OTUD7A: variants seen among roughly 807,000 people sequenced by gnomAD.
The protein encoded by OTUD7A is OTU domain-containing protein 7A.
Under a neutral mutation model 65.7 loss-of-function variants are expected in OTUD7A, and 12 were observed. That is an observed-to-expected ratio of 0.18 (90% confidence interval 0.12 to 0.30). OTUD7A has a LOEUF of 0.30. Ranked by LOEUF, OTUD7A falls within the 10% of genes least tolerant of loss-of-function variation. OTUD7A has a pLI of 1.00. For missense variants in OTUD7A, 1,148 were observed against 1,304.8 expected (o/e 0.88, Z 1.85); for synonymous variants, 641 against 586.3 (o/e 1.09, Z -1.35).
At chr15:31,831,970 C>T (rs1896944351) in intron 1 of OTUD7A, among the ~76,000 whole-genome samples, 1 of 152,038 alleles carries the variant, frequency 6.6e-6, no homozygotes, top group South Asian at 2.1e-4. Context: ...AGGGCTGGGG[C>T]AGGGCATGAG....
intron 1 of OTUD7A, among the ~76,000 whole-genome samples, chr15:31,811,455 G>A (rs1193209577): frequency 3.3e-5 from 5 of 151,950 alleles, no homozygotes; most frequent in Admixed American, 2.0e-4. Flanking sequence ...TTGTATGTAT[G>A]TATGGTGTAG....
intron 1 of OTUD7A, among the ~76,000 whole-genome samples, chr15:31,798,143 T>A (rs1038802407): frequency 5.3e-5 from 8 of 151,958 alleles, no homozygotes; most frequent in African/African-American, 1.7e-4. Context: ...AAAGACCATA[T>A]CTCCAAATAA....
chr15:31,594,023 CA>C (rs2141202536), intron 3 of OTUD7A, among the ~76,000 whole-genome samples: 1 of 152,318 alleles, frequency 6.6e-6, no homozygotes, highest in Non-Finnish European at 1.5e-5. Flanking sequence ...CCGTTAACTT[CA>C]TTCACCAAAG....
intron 3 of OTUD7A, among the ~76,000 whole-genome samples, chr15:31,600,997 A>G (rs1890056847): frequency 6.6e-6 from 1 of 152,168 alleles, no homozygotes; most frequent in African/African-American, 2.4e-5. Flanking sequence ...TCAGACTCCC[A>G]CACAATAACA....
rs544950521 is a variant in OTUD7A at position 31,704,665 on chromosome 15, C to T, written c.-99-47588G>A. 4.6e-5 allele frequency among the ~76,000 whole-genome samples: 7 copies of T among 151,544 alleles called. No homozygotes were observed. The South Asian group carries it at 1.5e-3, about 32-fold the overall frequency. On this transcript the variant is annotated intron_variant, in intron 1 of 12. Coordinates refer to ENST00000307050, the MANE Select transcript of OTUD7A (RefSeq NM_001382637.1). ...GGTGAAAATTCAGACATATAATGTC[C>T]CCAGTGTTCCCCCTCAAAAACATTA...
intron 1 of OTUD7A, among the ~76,000 whole-genome samples, chr15:31,818,499 C>A (rs566977402): frequency 9.2e-5 from 14 of 152,162 alleles, no homozygotes; most frequent in Non-Finnish European, 1.3e-4. Flanking sequence ...AGGGAGACAG[C>A]GGCCTCCCTG....
chr15:31,484,265 C>A lies in OTUD7A; in HGVS notation c.1831G>T (p.Gly611Cys). 1 of 1,594,832 alleles carries A rather than the reference C, an allele frequency of 6.3e-7. No individual in the cohort carries two copies. The highest frequency in any genetic ancestry group is 1.1e-5 in the South Asian group (1 of 89,796). ...CAGGCGTCGCCCCGCGGCCCACCGC[C>A]CTTCTCCGCCGGCGACGCGCCCGCT... ...KAAGASPAEK[G>C]GGPRGDAWKY... Residue 611 changes from glycine (G) to cysteine (C), a missense_variant, in exon 13 of 13, where the codon GGC becomes TGC. Around this residue, in one of 6 missense-constraint regions of OTUD7A, gnomAD observed 842 missense variants for 769.5 expected, o/e 1.09. Transcript: ENST00000307050. This position sits in a 1 kb window ranked among gnomAD's most constrained non-coding sequence, Gnocchi z 4.5.
intron 9 of OTUD7A, among the ~76,000 whole-genome samples, chr15:31,502,141 ACT>A (rs1473743487): frequency 1.3e-5 from 2 of 152,190 alleles, no homozygotes; most frequent in Admixed American, 1.3e-4. Context: ...TTCTGGATGT[ACT>A]TCTTCCTTTC....
intron 8 of OTUD7A, among the ~76,000 whole-genome samples, chr15:31,508,402 G>C (rs565861448): frequency 6.1e-5 from 4 of 65,426 alleles, no homozygotes; most frequent in Non-Finnish European, 1.2e-4. Context: ...AGGCTGGAGT[G>C]CAGTGGCGCC....
chr15:31,544,284 AG>A (rs1888067935), intron 5 of OTUD7A, among the ~76,000 whole-genome samples: 1 of 151,898 alleles, frequency 6.6e-6, no homozygotes. Flanking sequence ...AGAGTTAAAA[AG>A]AAAGGCTAGG....
At chr15:31,866,945 G>C (rs1208862401) in intron 1 of OTUD7A, among the ~76,000 whole-genome samples, 1 of 152,156 alleles carries the variant, frequency 6.6e-6, no homozygotes, top group Non-Finnish European at 1.5e-5. Flanking sequence ...TCTCTAGTAG[G>C]GCATCTGTGA....
intron 1 of OTUD7A, among the ~76,000 whole-genome samples, chr15:31,837,456 G>A (rs988815900): frequency 6.6e-6 from 1 of 151,848 alleles, no homozygotes; most frequent in African/African-American, 2.4e-5. Flanking sequence ...TGAGGCAGGA[G>A]AATCGCTTGA....
intron 1 of OTUD7A, among the ~76,000 whole-genome samples, chr15:31,728,086 C>T (rs910225866): frequency 6.6e-6 from 1 of 152,214 alleles, no homozygotes; most frequent in African/African-American, 2.4e-5. Flanking sequence ...TTGGATACCT[C>T]ACAGTTATTG....
At chr15:31,868,816 C>T (rs561351085) in intron 1 of OTUD7A, among the ~76,000 whole-genome samples, 31 of 152,292 alleles carry the variant, frequency 2.0e-4, no homozygotes, top group African/African-American at 7.5e-4. Context: ...CCATTATCAG[C>T]CTGAACACTA....
intron 1 of OTUD7A, among the ~76,000 whole-genome samples, chr15:31,673,114 GAATTT>G (rs1892521263): frequency 1.3e-5 from 2 of 152,288 alleles, no homozygotes; most frequent in African/African-American, 2.4e-5. Context: ...AGTTGAAAAT[GAATTT>G]AATATTCCAA....
At chr15:31,522,533 G>T (rs1476007449) in intron 8 of OTUD7A, among the ~76,000 whole-genome samples, 1 of 152,140 alleles carries the variant, frequency 6.6e-6, no homozygotes, top group South Asian at 2.1e-4. Context: ...TCTTTTATTG[G>T]TTCTGTTTCT....
chr15:31,638,382 T>C (rs1174777317), intron 3 of OTUD7A, among the ~76,000 whole-genome samples: 1 of 98,880 alleles, frequency 1.0e-5, no homozygotes, highest in African/African-American at 3.3e-5. Context: ...AGATAACTTT[T>C]TTTTTTTTTT....
intron 3 of OTUD7A, among the ~76,000 whole-genome samples, chr15:31,628,201 T>A (rs545352247): frequency 2.0e-5 from 3 of 152,328 alleles, no homozygotes; most frequent in Admixed American, 6.5e-5. Flanking sequence ...GCCTAGGTTT[T>A]CTTCTAGGGT....
At chr15:31,760,112 T>G (rs1484846610) in intron 1 of OTUD7A, among the ~76,000 whole-genome samples, 1 of 152,230 alleles carries the variant, frequency 6.6e-6, no homozygotes, top group Non-Finnish European at 1.5e-5. Flanking sequence ...CTTATAACTT[T>G]GCTACCTACT....
Sources: gnomAD v4.1 joint callset for allele counts (sites outside exome capture counted in the v4.1 genomes callset) on GRCh38, gnomAD v4.1.1 for gene constraint, gnomAD v4.1.1 regional missense constraint, Gnocchi (gnomAD v3.1) non-coding constraint, MANE v1.5 for transcripts, NCBI Gene and HGNC (gene_info 2026-07-23, HGNC 2026-07-21) for gene names.